The following RAPGEF2 variants were observed in gnomAD, a reference collection of about 807,000 sequenced individuals.
RAPGEF2 encodes PDZ domain containing guanine nucleotide exchange factor (GEF) 1.
Under a neutral mutation model 186.7 loss-of-function variants are expected in RAPGEF2, and 54 were observed. The observed-to-expected ratio is 0.29, with a 90% CI of 0.23 to 0.36. The LOEUF is 0.36. RAPGEF2 is among the 10% of genes least tolerant of loss of function. The pLI is 1.00. For synonymous variants in RAPGEF2, 712 were observed against 705.9 expected (o/e 1.01, Z -0.14); for missense variants, 1,532 against 2,045.0 (o/e 0.75, Z 4.84).
intron 7 of RAPGEF2, among the ~76,000 whole-genome samples, chr4:159,263,451 G>T (rs747767308): frequency 5.9e-5 from 9 of 152,178 alleles, no homozygotes; most frequent in Middle Eastern, 3.4e-3. Context: ...TTGTTTTCTC[G>T]TATCAAAGAA....
intron 3 of RAPGEF2, among the ~76,000 whole-genome samples, chr4:159,197,282 C>T (rs768195374): frequency 3.3e-5 from 5 of 152,208 alleles, no homozygotes; most frequent in Admixed American, 6.5e-5. Context: ...ACCATGGAAA[C>T]TGATCTGCTT....
intron 25 of RAPGEF2, among the ~76,000 whole-genome samples, chr4:159,348,811 G>T (rs1456533086): frequency 6.6e-6 from 1 of 152,138 alleles, no homozygotes; most frequent in Admixed American, 6.5e-5. Context: ...AAATGTGGAT[G>T]AAATATTATA....
intron 1 of RAPGEF2, among the ~76,000 whole-genome samples, chr4:159,136,900 C>T (rs1195482632): frequency 6.6e-6 from 1 of 152,164 alleles, no homozygotes; most frequent in Non-Finnish European, 1.5e-5. Context: ...CTACTGTTCC[C>T]TGAAGCCTGT....
At chr4:159,222,341 A>T (rs954457072) in intron 4 of RAPGEF2, among the ~76,000 whole-genome samples, 10 of 152,108 alleles carry the variant, frequency 6.6e-5, no homozygotes, top group African/African-American at 2.4e-4. Flanking sequence ...AAGGACTCAT[A>T]TTTTTTGTGT....
intron 3 of RAPGEF2, among the ~76,000 whole-genome samples, chr4:159,204,560 T>C (rs917492931): frequency 6.6e-6 from 1 of 152,226 alleles, no homozygotes; most frequent in African/African-American, 2.4e-5. Context: ...TCTATCTGTT[T>C]ACATTGGAAG....
intron 6 of RAPGEF2, 69 bp downstream of exon 6, chr4:159,241,437 T>A: frequency 2.9e-6 from 3 of 1,043,130 alleles, no homozygotes; most frequent in Non-Finnish European, 3.7e-6. Flanking sequence ...AAAAGATGTT[T>A]AAGTTTTCCA....
chr4:159,304,567 T>C (rs1763055916), intron 8 of RAPGEF2, 94 bp downstream of exon 8: 1 of 1,151,290 alleles, frequency 8.7e-7, no homozygotes, highest in East Asian at 2.4e-5. Context: ...AATAAATATA[T>C]GTGTATATTA....
intron 7 of RAPGEF2, among the ~76,000 whole-genome samples, chr4:159,303,441 A>G (rs1270381763): frequency 2.0e-5 from 3 of 152,156 alleles, no homozygotes; most frequent in Non-Finnish European, 4.4e-5. Flanking sequence ...GTATTTTGAA[A>G]TGCTGTTTCA....
intron 19 of RAPGEF2, among the ~76,000 whole-genome samples, chr4:159,339,903 CT>C (rs1283630780): frequency 5.3e-5 from 8 of 152,184 alleles, no homozygotes; most frequent in Non-Finnish European, 2.9e-5. Context: ...TGAAACCAGA[CT>C]TTACTTGCTA....
chr4:159,188,287 T>C (rs66769551), intron 2 of RAPGEF2, among the ~76,000 whole-genome samples: 47,416 of 152,116 alleles, frequency 0.31, 7,787 homozygotes, highest in Non-Finnish European at 0.37. Flanking sequence ...ATATTGATTA[T>C]ATAATGCATT....
chr4:159,342,437 A>G (rs918938796), intron 20 of RAPGEF2, among the ~76,000 whole-genome samples: 2 of 151,744 alleles, frequency 1.3e-5, no homozygotes, highest in Non-Finnish European at 2.9e-5. Context: ...AAAAATGGCA[A>G]CAATTAGTTA....
chr4:159,257,206 T>C (rs1756278522), intron 7 of RAPGEF2, among the ~76,000 whole-genome samples: 1 of 152,228 alleles, frequency 6.6e-6, no homozygotes, highest in Non-Finnish European at 1.5e-5. Context: ...TTTACATTTG[T>C]ATTAGTCAGT....
intron 1 of RAPGEF2, among the ~76,000 whole-genome samples, chr4:159,123,089 A>G (rs374121161): frequency 3.9e-5 from 6 of 152,350 alleles, no homozygotes; most frequent in East Asian, 1.9e-4. Flanking sequence ...ATAGTATACA[A>G]TACAACATAT....
chr4:159,240,815 T>C (rs906045115), intron 5 of RAPGEF2, among the ~76,000 whole-genome samples: 1 of 151,216 alleles, frequency 6.6e-6, no homozygotes, highest in Non-Finnish European at 1.5e-5. Context: ...GGGTTTTTTT[T>C]TTTTTTTTTT....
chr4:159,340,476 T>C (rs1327518239), intron 19 of RAPGEF2, among the ~76,000 whole-genome samples: 1 of 152,032 alleles, frequency 6.6e-6, no homozygotes. Flanking sequence ...AAATGGAGAA[T>C]GTTAAATCTG....
At chr4:159,275,859 GA>G (rs958050258) in intron 7 of RAPGEF2, among the ~76,000 whole-genome samples, 4 of 148,566 alleles carry the variant, frequency 2.7e-5, no homozygotes, top group Admixed American at 6.7e-5. Context: ...TTTTCTTAGG[GA>G]AAAAAAAACG....
intron 1 of RAPGEF2, among the ~76,000 whole-genome samples, chr4:159,143,179 A>G (rs1742534203): frequency 6.6e-6 from 1 of 152,076 alleles, no homozygotes; most frequent in African/African-American, 2.4e-5. Flanking sequence ...GTATCATATG[A>G]TGATCGCTCC....
At chr4:159,249,506 AC>A (rs1233691054) in intron 7 of RAPGEF2, among the ~76,000 whole-genome samples, 1 of 151,962 alleles carries the variant, frequency 6.6e-6, no homozygotes, top group East Asian at 1.9e-4. Flanking sequence ...TGACTTCTGG[AC>A]AAAACTCTAG....
At chr4:159,282,892 AG>A (rs1759918684) in intron 7 of RAPGEF2, among the ~76,000 whole-genome samples, 1 of 152,206 alleles carries the variant, frequency 6.6e-6, no homozygotes, top group Non-Finnish European at 1.5e-5. Context: ...AAGAATGTAA[AG>A]GCCAGGATGT....
Sources: allele counts gnomAD v4.1 joint callset (sites outside exome capture counted in the v4.1 genomes callset), GRCh38; gene constraint gnomAD v4.1.1; transcripts MANE v1.5; gene names NCBI Gene and HGNC (gene_info 2026-07-23, HGNC 2026-07-21).